PXDN: variants seen among roughly 807,000 people sequenced by gnomAD.
The protein encoded by PXDN is peroxidasin, also known as peroxidasin homolog.
PXDN carries 77 observed loss-of-function variants against 140.3 expected under a neutral mutation model. That is an observed-to-expected ratio of 0.55 (90% CI 0.46 to 0.66). The LOEUF (loss-of-function observed/expected upper bound fraction) is 0.66, where lower values mean the gene tolerates loss of function less well. Among genes scored for constraint, PXDN ranks in the 30% least tolerant of loss-of-function variants. The pLI, the probability that PXDN is intolerant of heterozygous loss-of-function variation, is 0.00. For synonymous variants in PXDN, 911 were observed against 857.4 expected, an observed-to-expected ratio of 1.06 and a Z score of -1.09; for missense variants, 1,838 against 2,039.5, an observed-to-expected ratio of 0.90 and a Z score of 1.90.
At chr2:1,635,375 T>G in intron 22 of PXDN, 33 bp downstream of exon 22, 1 of 1,534,236 alleles carries the variant, frequency 6.5e-7, no homozygotes, top group Non-Finnish European at 8.8e-7. Flanking sequence ...TGCGTATACC[T>G]TAGGACATGA....
chr2:1,738,551 A>C (rs932144946), intron 1 of PXDN, among the ~76,000 whole-genome samples: 1 of 103,380 alleles, frequency 9.7e-6, no homozygotes, highest in Non-Finnish European at 2.0e-5. Context: ...TGATCTTCAA[A>C]CTTTTTTTTT....
Position 1,661,044 on chromosome 2 carries a change from CAAAACAGAATG to C in PXDN, c.1681-18_1681-8del, listed in dbSNP as rs761973570. 3.1e-6 allele frequency: 5 copies of C among 1,613,782 alleles called. No homozygotes were observed. The highest frequency in any genetic ancestry group is 4.2e-6 in the Non-Finnish European group (5 of 1,179,758). ...CTGTCACCTGAACCCCATCCTGGAG[CAAAACAGAATG>C]AAAACAGTATTAGAAATAAGACTAA... On this transcript the variant is annotated splice_polypyrimidine_tract_variant and splice_region_variant and intron_variant, in intron 13 of 22. Transcript: ENST00000252804.
intron 14 of PXDN, among the ~76,000 whole-genome samples, chr2:1,655,119 A>G (rs963843322): frequency 2.0e-5 from 3 of 151,450 alleles, no homozygotes; most frequent in African/African-American, 7.3e-5. Context: ...CACACTATAC[A>G]TAGCACATTA....
rs755560022 is a variant in PXDN at position 1,648,736 on chromosome 2, T to A, written c.3044A>T (p.Tyr1015Phe). ...LNPHWDGDTI[Y>F]YETRKIVGAE... ...ACCCACGATCTTCCTGGTCTCATAG[T>A]AGATGGTGTCGCCGTCCCAGTGCGG... Residue 1015 changes from tyrosine to phenylalanine, a missense_variant, in exon 17 of 23, where the codon TAC becomes TTC. Tyr to Phe is a conservative substitution (Grantham distance 22). This residue lies in a region of PXDN where 850 missense variants were observed against 894.1 expected (regional missense o/e 0.95). Coordinates refer to ENST00000252804, the MANE Select transcript of PXDN (RefSeq NM_012293.3). This position sits in a 1 kb window ranked among gnomAD's most constrained non-coding sequence, Gnocchi z 8.9. The A allele has an allele frequency of 1.9e-6, 3 of 1,605,086 alleles. No individual in the cohort carries two copies. Among genetic ancestry groups the A allele is most frequent in the Non-Finnish European group, 1.7e-6 (2 of 1,176,338 alleles).
intron 14 of PXDN, among the ~76,000 whole-genome samples, chr2:1,656,569 A>T (rs1460675545): frequency 1.3e-5 from 2 of 150,226 alleles, no homozygotes; most frequent in Non-Finnish European, 3.0e-5. Context: ...CCACTTCCTG[A>T]CAGGGACCTG....
At position 1,672,971 on chromosome 2, in the gene PXDN, G is replaced by A. The variant is rs113014363; in HGVS notation, c.1018+672C>T. ...GACAGGCAGACCCGTCCAGAGGCAT[G>A]AACTGATCTGTATCATTTCCCAGAG... is the stretch of plus-strand genomic sequence containing the variant. On this transcript the variant is annotated intron_variant, in intron 9 of 22. Transcript: ENST00000252804. Among the ~76,000 whole-genome samples, 230 of 152,238 alleles carry A rather than the reference G, an allele frequency of 1.5e-3. 1 individual carries two copies. The highest frequency in any genetic ancestry group is 0.01 in the Middle Eastern group (3 of 294).
At chr2:1,670,976 T>C (rs1295081261) in intron 9 of PXDN, among the ~76,000 whole-genome samples, 1 of 152,016 alleles carries the variant, frequency 6.6e-6, no homozygotes, top group Non-Finnish European at 1.5e-5. Context: ...AGAAGGAAGG[T>C]GATCCCCGAC....
At chr2:1,722,795 G>A (rs1358900286) in intron 1 of PXDN, among the ~76,000 whole-genome samples, 2 of 152,234 alleles carry the variant, frequency 1.3e-5, no homozygotes, top group Non-Finnish European at 2.9e-5. Flanking sequence ...GTGGCTCCAG[G>A]GGCACAGTGT....
intron 8 of PXDN, among the ~76,000 whole-genome samples, chr2:1,675,054 C>CT (rs36055357): frequency 0.28 from 42,087 of 151,964 alleles, 6,108 homozygotes; most frequent in Admixed American, 0.38. Context: ...ATGCTCTCCT[C>CT]GCCTGGCACC....
At chr2:1,675,694 C>T (rs925964253) in intron 8 of PXDN, among the ~76,000 whole-genome samples, 5 of 152,306 alleles carry the variant, frequency 3.3e-5, no homozygotes, top group African/African-American at 1.2e-4. Flanking sequence ...TGCTCCTGTC[C>T]ATCTCTTCTA....
rs2125410138 is a variant in PXDN, at chr2:1,648,078, ACT to A, written c.3608+92_3608+93del. The A allele has an allele frequency of 5.4e-6, 8 of 1,481,634 alleles. No individual in the cohort carries two copies. In the East Asian group the frequency reaches 6.8e-5, roughly 13 times the overall value. The allele number at this position is 1,481,634 out of a possible 1,614,324, so 91.8% of individuals were successfully genotyped here. The stretch of plus-strand genomic sequence containing the variant: ...CTCACCTCTGCACGACACGAACAAA[ACT>A]CACACACAGAGACAAATAACACACA... On this transcript the variant is annotated intron_variant, in intron 17 of 22. Coordinates refer to ENST00000252804, the MANE Select transcript of PXDN (RefSeq NM_012293.3). The surrounding 1 kb of genome is among the most constrained non-coding windows in gnomAD (Gnocchi z 8.9).
At chr2:1,707,973 C>T (rs1445338413) in intron 1 of PXDN, among the ~76,000 whole-genome samples, 1 of 152,256 alleles carries the variant, frequency 6.6e-6, no homozygotes, top group African/African-American at 2.4e-5. Context: ...AAACCAAACG[C>T]AGGCAATCCT....
chr2:1,710,690 T>C (rs1363223962), intron 1 of PXDN, among the ~76,000 whole-genome samples: 12 of 81,758 alleles, frequency 1.5e-4, no homozygotes, highest in African/African-American at 4.5e-4. Context: ...ACCCACTCTA[T>C]GAACACCCAC....
At chr2:1,635,955 C>T (rs1049189069) in intron 21 of PXDN, 25 of 325,400 alleles carry the variant, frequency 7.7e-5, no homozygotes, top group African/African-American at 2.0e-4. Context: ...CCTTTCCAAC[C>T]GCTGTGCCAT....
At chr2:1,692,082 G>GA in intron 2 of PXDN, 83 bp from the exon 3 acceptor site, 2 of 1,019,738 alleles carry the variant, frequency 2.0e-6, no homozygotes, top group Non-Finnish European at 2.9e-6. Flanking sequence ...GACAGCCTTG[G>GA]AAAAGGTCAC....
intron 15 of PXDN, chr2:1,654,029 C>A: frequency 1.9e-6 from 1 of 522,026 alleles, no homozygotes. Context: ...ACAGATATTG[C>A]ATTTCACATA....
rs532404892 is a variant in PXDN, at chr2:1,703,350, AG to A, written c.201-10217del. Among the ~76,000 whole-genome samples the A allele has an allele frequency of 9.5e-3, 127 of 13,358 alleles. 33 individuals carry two copies. The highest frequency in any genetic ancestry group is 0.08 in the African/African-American group (118 of 1,468). 8.8% of individuals were successfully genotyped at this position (13,358 alleles called of 152,430 possible). A position where few individuals can be genotyped will look rare whatever the true frequency, so the allele number is the denominator to read the frequency against. On this transcript the variant is annotated intron_variant, in intron 1 of 22. Transcript: ENST00000252804. ...GTGAAGGGAGGGCAACTCCAGGTGA[AG>A]GGGGGGACAGCTCCAGGTGAAGTGG...
intron 1 of PXDN, among the ~76,000 whole-genome samples, chr2:1,730,728 C>CTAAT (rs1180018204): frequency 1.3e-5 from 2 of 152,166 alleles, no homozygotes; most frequent in African/African-American, 4.8e-5. Flanking sequence ...CATTACTTCT[C>CTAAT]TAATTACCCA....
chr2:1,729,360 G>C (rs1226730782), intron 1 of PXDN, among the ~76,000 whole-genome samples: 2 of 152,100 alleles, frequency 1.3e-5, no homozygotes, highest in Non-Finnish European at 2.9e-5. Flanking sequence ...CCTCCCTCCT[G>C]ACCCATTACA....
Sources: gnomAD v4.1 joint callset for allele counts (sites outside exome capture counted in the v4.1 genomes callset) on GRCh38, gnomAD v4.1.1 for gene constraint, gnomAD v4.1.1 regional missense constraint, Gnocchi (gnomAD v3.1) non-coding constraint, MANE v1.5 for transcripts, NCBI Gene and HGNC (gene_info 2026-07-23, HGNC 2026-07-21) for gene names.